The following GRM8 variants were observed in gnomAD, a reference collection of about 807,000 sequenced individuals.
GRM8 encodes the protein metabotropic glutamate receptor 8.
A neutral mutation model predicts 87.2 loss-of-function variants in GRM8; 47 were observed. That is an observed-to-expected ratio of 0.54 (90% CI 0.43 to 0.69). The LOEUF (loss-of-function observed/expected upper bound fraction) is 0.69. Ranked by LOEUF, GRM8 falls within the 30% of genes least tolerant of loss-of-function variation. The pLI, the probability that GRM8 is intolerant of heterozygous loss-of-function variation, is 0.00. For synonymous variants in GRM8, 396 were observed against 404.5 expected (o/e 0.98, Z 0.25); for missense variants, 1,019 against 1,139.2 (o/e 0.89, Z 1.52).
Position 126,601,195 on chromosome 7 carries a change from A to C in GRM8, c.1494+8167T>G, listed in dbSNP as rs1037220426. The stretch of plus-strand genomic sequence containing the variant: ...GAATATGCGGTGTTTGGTTTTTTGT[A>C]CTTGCGATAGTTTACTGAGAATGAT... On this transcript the variant is annotated intron_variant, in intron 8 of 10. Coordinates refer to ENST00000339582, the MANE Select transcript of GRM8 (RefSeq NM_000845.3). 2.7e-5 allele frequency among the ~76,000 whole-genome samples: 4 copies of C among 150,346 alleles called. No homozygotes were observed. In the East Asian group the frequency reaches 7.9e-4, roughly 30 times the overall value.
intron 2 of GRM8, among the ~76,000 whole-genome samples, chr7:127,135,536 G>C (rs1246242478): frequency 8.6e-6 from 1 of 116,770 alleles, no homozygotes; most frequent in Non-Finnish European, 1.8e-5. Context: ...AGGCTAGTTA[G>C]AAAGTCAGAG....
At chr7:126,462,563 T>C (rs557589857) in intron 9 of GRM8, among the ~76,000 whole-genome samples, 1 of 151,730 alleles carries the variant, frequency 6.6e-6, no homozygotes, top group African/African-American at 2.4e-5. Flanking sequence ...TTTTGGAACA[T>C]AAAACATTTT....
intron 7 of GRM8, among the ~76,000 whole-genome samples, chr7:126,708,531 ATAT>A (rs1228359687): frequency 6.6e-6 from 1 of 150,504 alleles, no homozygotes; most frequent in Non-Finnish European, 1.5e-5. Context: ...ATATATCTAT[ATAT>A]ATGATTCTAT....
At chr7:127,212,214 A>T (rs1796250844) in intron 2 of GRM8, among the ~76,000 whole-genome samples, 1 of 152,208 alleles carries the variant, frequency 6.6e-6, no homozygotes, top group Non-Finnish European at 1.5e-5. Context: ...GAGGCTAGAC[A>T]GAGATTCCAA....
chr7:127,003,840 G>A (rs1813990601), intron 3 of GRM8, among the ~76,000 whole-genome samples: 1 of 151,678 alleles, frequency 6.6e-6, no homozygotes, highest in Non-Finnish European at 1.5e-5. Flanking sequence ...ACTACAACCA[G>A]CTAGAGATAT....
At chr7:126,555,834 C>T (rs1393686266) in intron 8 of GRM8, among the ~76,000 whole-genome samples, 1 of 152,142 alleles carries the variant, frequency 6.6e-6, no homozygotes, top group Non-Finnish European at 1.5e-5. Context: ...CCTCTTTGAA[C>T]CACACATTTG....
chr7:126,907,580 G>A (rs1802850993), intron 3 of GRM8, among the ~76,000 whole-genome samples: 1 of 152,056 alleles, frequency 6.6e-6, no homozygotes, highest in African/African-American at 2.4e-5. Context: ...ACAAAAATGA[G>A]ATGGAGATAA....
intron 3 of GRM8, among the ~76,000 whole-genome samples, chr7:127,012,912 G>A (rs748033373): frequency 6.6e-6 from 1 of 152,024 alleles, no homozygotes; most frequent in African/African-American, 2.4e-5. Context: ...TTATTGTTTA[G>A]TCCTACTGCA....
intron 8 of GRM8, among the ~76,000 whole-genome samples, chr7:126,605,987 C>G (rs1449880787): frequency 6.6e-6 from 1 of 152,188 alleles, no homozygotes; most frequent in East Asian, 1.9e-4. Context: ...GTCTCAACAC[C>G]TTTTAACAGA....
At chr7:127,129,718 C>T (rs909929330) in intron 2 of GRM8, among the ~76,000 whole-genome samples, 6 of 152,126 alleles carry the variant, frequency 3.9e-5, no homozygotes, top group African/African-American at 1.4e-4. Context: ...AGTTATTTTC[C>T]CTTCAGCCAA....
intron 2 of GRM8, among the ~76,000 whole-genome samples, chr7:127,199,740 T>G (rs973053262): frequency 2.6e-5 from 4 of 152,194 alleles, no homozygotes; most frequent in African/African-American, 9.7e-5. Flanking sequence ...CAAACCATTC[T>G]CCCGTTTTCC....
intron 8 of GRM8, among the ~76,000 whole-genome samples, chr7:126,592,812 T>G (rs889970100): frequency 6.6e-6 from 1 of 151,732 alleles, no homozygotes; most frequent in African/African-American, 2.4e-5. Context: ...GTCAAAGCAA[T>G]AGGCAAGAGA....
At chr7:126,790,648 G>C (rs1303742322) in intron 6 of GRM8, among the ~76,000 whole-genome samples, 1 of 152,096 alleles carries the variant, frequency 6.6e-6, no homozygotes, top group Admixed American at 6.6e-5. Context: ...TTTTCTTACG[G>C]TCGTGCCAAG....
chr7:126,757,857 C>T (rs899780971), intron 7 of GRM8, among the ~76,000 whole-genome samples: 1 of 152,116 alleles, frequency 6.6e-6, no homozygotes, highest in African/African-American at 2.4e-5. Flanking sequence ...TCTTATCTAT[C>T]CTATCCTTTT....
At chr7:126,644,333 T>C (rs1470008900) in intron 7 of GRM8, among the ~76,000 whole-genome samples, 1 of 152,206 alleles carries the variant, frequency 6.6e-6, no homozygotes, top group African/African-American at 2.4e-5. Flanking sequence ...GAAAGGAATG[T>C]AGACAAAGTG....
At chr7:126,941,443 TAAA>T (rs11453714) in intron 3 of GRM8, among the ~76,000 whole-genome samples, 4 of 128,872 alleles carry the variant, frequency 3.1e-5, no homozygotes, top group Non-Finnish European at 3.2e-5. Context: ...CCATCTCTAC[TAAA>T]AAAAAAAAAA....
intron 7 of GRM8, among the ~76,000 whole-genome samples, chr7:126,743,189 T>A (rs1199169418): frequency 6.6e-6 from 1 of 152,158 alleles, no homozygotes; most frequent in Non-Finnish European, 1.5e-5. Flanking sequence ...AGTGCATAAC[T>A]GAGCCTAGGA....
At chr7:126,727,811 A>T (rs560949795) in intron 7 of GRM8, among the ~76,000 whole-genome samples, 2 of 151,874 alleles carry the variant, frequency 1.3e-5, no homozygotes, top group East Asian at 3.9e-4. Context: ...ATCTCCCACA[A>T]CCTTTAAGAC....
At chr7:126,464,935 C>T (rs1474918184) in intron 9 of GRM8, among the ~76,000 whole-genome samples, 1 of 151,718 alleles carries the variant, frequency 6.6e-6, no homozygotes, top group African/African-American at 2.4e-5. Flanking sequence ...TTACACATGA[C>T]AATTACAGTA....
Sources: gnomAD v4.1 joint callset for allele counts (sites outside exome capture counted in the v4.1 genomes callset) on GRCh38, gnomAD v4.1.1 for gene constraint, MANE v1.5 for transcripts, NCBI Gene and HGNC (gene_info 2026-07-23, HGNC 2026-07-21) for gene names.